FCHO2: variants seen among roughly 807,000 people sequenced by gnomAD.
FCHO2 encodes the protein FCH and mu domain containing endocytic adaptor 2, also known as F-BAR domain only protein 2.
In FCHO2, 43 loss-of-function variants were observed where a neutral mutation model predicts 114.1. The ratio of observed to expected loss-of-function variants is 0.38; its 90% confidence interval spans 0.30 to 0.49. The LOEUF (loss-of-function observed/expected upper bound fraction) is 0.49. Among genes scored for constraint, FCHO2 ranks in the 20% least tolerant of loss-of-function variants. FCHO2 has a pLI of 0.97. For synonymous variants in FCHO2, 293 were observed against 315.2 expected (o/e 0.93, Z 0.75); for missense variants, 807 against 950.4 (o/e 0.85, Z 1.98).
intron 24 of FCHO2, among the ~76,000 whole-genome samples, chr5:73,087,206 C>T (rs1191438729): frequency 6.6e-6 from 1 of 152,182 alleles, no homozygotes; most frequent in Non-Finnish European, 1.5e-5. Context: ...ACCTTTCCAT[C>T]TTTACTTCTT....
chr5:73,047,499 CTT>C (rs1182800805), intron 11 of FCHO2, among the ~76,000 whole-genome samples: 1 of 150,994 alleles, frequency 6.6e-6, no homozygotes, highest in African/African-American at 2.4e-5. Flanking sequence ...TACTACTTGG[CTT>C]TTTAAAAATT....
At chr5:72,988,587 C>T (rs1182145706) in intron 2 of FCHO2, among the ~76,000 whole-genome samples, 6 of 152,054 alleles carry the variant, frequency 3.9e-5, no homozygotes, top group Non-Finnish European at 7.4e-5. Flanking sequence ...TTATATAAAA[C>T]ACAGTTTTCT....
intron 2 of FCHO2, among the ~76,000 whole-genome samples, chr5:72,969,655 AG>A (rs1197321762): frequency 1.3e-5 from 2 of 152,214 alleles, no homozygotes; most frequent in African/African-American, 4.8e-5. Context: ...TGTTTATGTT[AG>A]TCACCTTAAG....
chr5:72,983,922 T>C (rs555520675), intron 2 of FCHO2, among the ~76,000 whole-genome samples: 73 of 152,096 alleles, frequency 4.8e-4, no homozygotes, highest in South Asian at 2.5e-3. Flanking sequence ...TGTGAGGCCA[T>C]AAGGTATACG....
At chr5:72,997,117 T>C in intron 5 of FCHO2, 1 of 1,148,736 alleles carries the variant, frequency 8.7e-7, no homozygotes, top group South Asian at 1.2e-5. Flanking sequence ...TGGATCCGGA[T>C]GAGATACTTA....
intron 17 of FCHO2, among the ~76,000 whole-genome samples, chr5:73,063,474 C>T (rs1029257199): frequency 6.6e-6 from 1 of 151,936 alleles, no homozygotes. Flanking sequence ...GGCTTGGTCT[C>T]GAATTACTAT....
Position 73,011,257 on chromosome 5 carries a change from A to G in FCHO2, c.601-4369A>G, listed in dbSNP as rs577204674. On this transcript the variant is annotated intron_variant, in intron 6 of 25. Coordinates refer to ENST00000430046, the MANE Select transcript of FCHO2 (RefSeq NM_138782.3). ...TATAAGCACTGTAGATTTAGGTTACATTAAATTTTATTAAAAATTGTTTTC... is the reference window on the plus strand; with the variant it reads ...TATAAGCACTGTAGATTTAGGTTACGTTAAATTTTATTAAAAATTGTTTTC... 2.6e-5 allele frequency among the ~76,000 whole-genome samples: 4 copies of G among 152,296 alleles called. No individual in the cohort carries two copies. In the South Asian group the frequency reaches 6.2e-4, roughly 24 times the overall value.
At chr5:73,079,990 T>C (rs533972240) in intron 22 of FCHO2, among the ~76,000 whole-genome samples, 1 of 152,328 alleles carries the variant, frequency 6.6e-6, no homozygotes, top group Admixed American at 6.5e-5. Context: ...CCAGAAGCCA[T>C]GTAAGAAGAG....
At chr5:72,959,973 T>G (rs1468066423) in intron 1 of FCHO2, among the ~76,000 whole-genome samples, 1 of 152,138 alleles carries the variant, frequency 6.6e-6, no homozygotes, top group African/African-American at 2.4e-5. Context: ...GGAGATGAGA[T>G]CTCGCTATGT....
At chr5:73,068,886 TTTTG>T in intron 19 of FCHO2, 107 bp downstream of exon 19, 5 of 1,329,680 alleles carry the variant, frequency 3.8e-6, no homozygotes, top group Non-Finnish European at 4.9e-6. Context: ...ACATTATAAA[TTTTG>T]TTTTTCTGGA....
chr5:73,023,545 T>C (rs1291791476), intron 8 of FCHO2, among the ~76,000 whole-genome samples: 1 of 151,902 alleles, frequency 6.6e-6, no homozygotes, highest in Non-Finnish European at 1.5e-5. Context: ...CTACTAAATA[T>C]AAAAATTAGC....
At chr5:73,014,341 T>C (rs1755183317) in intron 6 of FCHO2, among the ~76,000 whole-genome samples, 1 of 150,522 alleles carries the variant, frequency 6.6e-6, no homozygotes, top group Non-Finnish European at 1.5e-5. Flanking sequence ...CAAGCTGGAG[T>C]GCAATGGCGT....
chr5:73,039,757 A>G (rs1045302911), intron 10 of FCHO2, among the ~76,000 whole-genome samples: 4 of 151,674 alleles, frequency 2.6e-5, no homozygotes, highest in South Asian at 2.1e-4. Context: ...GTGAAACCCT[A>G]TCTCTACTAA....
chr5:72,997,615 C>A lies in FCHO2; in HGVS notation c.495+6751C>A. 2.8e-6 allele frequency: 4 copies of A among 1,417,926 alleles called. No homozygotes were observed. In the South Asian group the frequency reaches 4.6e-5, roughly 16 times the overall value. The allele number at this position is 1,417,926 out of a possible 1,614,324, so 87.8% of individuals were successfully genotyped here. A position where few individuals can be genotyped will look rare whatever the true frequency, so the allele number is the denominator to read the frequency against. On this transcript the variant is annotated intron_variant, in intron 5 of 25. Transcript: ENST00000430046. ...CCGCTGATGTTCGTTCCGTGCTGAG[C>A]CGCAACCTTCACCAGTATAGGTTCT...
At chr5:73,054,917 A>C (rs975659078) in intron 15 of FCHO2, among the ~76,000 whole-genome samples, 1 of 152,146 alleles carries the variant, frequency 6.6e-6, no homozygotes, top group African/African-American at 2.4e-5. Flanking sequence ...CACAATTACA[A>C]ATTCTATTAT....
intron 11 of FCHO2, among the ~76,000 whole-genome samples, chr5:73,045,157 G>A (rs1249486977): frequency 6.6e-6 from 1 of 152,176 alleles, no homozygotes; most frequent in Admixed American, 6.5e-5. Context: ...AAACTGTCAT[G>A]TAATATCACA....
intron 8 of FCHO2, among the ~76,000 whole-genome samples, chr5:73,032,324 T>A (rs1756278938): frequency 1.3e-5 from 2 of 152,208 alleles, no homozygotes; most frequent in African/African-American, 4.8e-5. Flanking sequence ...GTACTCAATT[T>A]AAAATTTTTA....
At chr5:73,077,716 G>A (rs575732366) in intron 21 of FCHO2, among the ~76,000 whole-genome samples, 2 of 152,172 alleles carry the variant, frequency 1.3e-5, no homozygotes, top group East Asian at 3.9e-4. Flanking sequence ...TGGGCATGAT[G>A]GTGCGTTCCT....
At chr5:73,000,238 C>T (rs778598461) in intron 5 of FCHO2, among the ~76,000 whole-genome samples, 11 of 152,158 alleles carry the variant, frequency 7.2e-5, no homozygotes, top group Middle Eastern at 3.4e-3. Context: ...TTAGAGAGGC[C>T]GAGGCAGGTG....
Sources: allele counts gnomAD v4.1 joint callset (sites outside exome capture counted in the v4.1 genomes callset), GRCh38; gene constraint gnomAD v4.1.1; transcripts MANE v1.5; gene names NCBI Gene and HGNC (gene_info 2026-07-23, HGNC 2026-07-21).